The following HDAC9 variants were observed in gnomAD, a reference collection of about 807,000 sequenced individuals.
The protein encoded by HDAC9 is MEF-2 interacting transcription repressor (MITR) protein.
HDAC9 carries 41 observed loss-of-function variants against 139.4 expected under a neutral mutation model. That is an observed-to-expected ratio of 0.29 (90% CI 0.23 to 0.38). HDAC9 has a LOEUF of 0.38. Among genes scored for constraint, HDAC9 ranks in the 10% least tolerant of loss-of-function variants. The pLI, the probability that HDAC9 is intolerant of heterozygous loss-of-function variation, is 1.00. For missense variants in HDAC9, 1,147 were observed against 1,297.0 expected (o/e 0.88, Z 1.78); for synonymous variants, 517 against 476.2 (o/e 1.09, Z -1.12).
In HDAC9 at chr7:18,762,241, C is replaced by T. The variant is rs114500777; in HGVS notation, c.2128C>T (p.Leu710=). ...HHSLLYGTNP[L]DGQKLDPRIL... The stretch of plus-strand genomic sequence containing the variant: ...CTCACTGTTGTATGGCACCAACCCC[C>T]TGGACGGACAGAAGCTGGACCCCAG... Residue 710 remains leucine, a synonymous_variant, in exon 15 of 26, where the codon CTG becomes TTG. Coordinates refer to ENST00000686413, the MANE Select transcript of HDAC9 (RefSeq NM_178425.4). 2.1e-4 allele frequency: 338 copies of T among 1,613,662 alleles called. No homozygotes were observed. The African/African-American group carries it at 3.9e-3, about 19-fold the overall frequency.
chr7:18,599,366 AT>A (rs1833329436), intron 6 of HDAC9, among the ~76,000 whole-genome samples: 1 of 152,154 alleles, frequency 6.6e-6, no homozygotes, highest in African/African-American at 2.4e-5. Flanking sequence ...ATTCTATGAG[AT>A]TTAACAAATG....
intron 25 of HDAC9, among the ~76,000 whole-genome samples, chr7:18,995,385 G>A (rs188573685): frequency 1.4e-4 from 21 of 152,278 alleles, no homozygotes; most frequent in African/African-American, 5.1e-4. Context: ...CTAAATTAAG[G>A]TTAAATCTCA....
At chr7:18,867,639 A>G (rs758632268) in intron 21 of HDAC9, among the ~76,000 whole-genome samples, 6 of 152,080 alleles carry the variant, frequency 3.9e-5, no homozygotes, top group Non-Finnish European at 8.8e-5. Context: ...AGGATCTGAC[A>G]AGTGTGTATT....
chr7:18,775,445 G>T (rs1173348594), intron 16 of HDAC9, among the ~76,000 whole-genome samples: 1 of 151,994 alleles, frequency 6.6e-6, no homozygotes, highest in Non-Finnish European at 1.5e-5. Context: ...CGATCTGTAA[G>T]CACTTCTCAA....
At chr7:18,329,111 C>T (rs1309001636) in intron 1 of HDAC9, among the ~76,000 whole-genome samples, 5 of 151,748 alleles carry the variant, frequency 3.3e-5, no homozygotes, top group African/African-American at 7.3e-5. Context: ...ATAATAGTCT[C>T]TTCTGATCCT....
intron 23 of HDAC9, among the ~76,000 whole-genome samples, chr7:18,948,020 T>C (rs1782522795): frequency 6.6e-6 from 1 of 151,994 alleles, no homozygotes; most frequent in Non-Finnish European, 1.5e-5. Context: ...GCTGATAAAC[T>C]ACCCAATCAT....
chr7:18,356,374 T>TTG (rs1554388698), intron 1 of HDAC9, among the ~76,000 whole-genome samples: 2 of 144,746 alleles, frequency 1.4e-5, no homozygotes, highest in Non-Finnish European at 3.0e-5. Flanking sequence ...TTTTTTTTTT[T>TTG]TTTTTTTTTT....
chr7:18,908,285 C>G (rs573540825), intron 22 of HDAC9, among the ~76,000 whole-genome samples: 49 of 151,910 alleles, frequency 3.2e-4, no homozygotes, highest in Non-Finnish European at 5.9e-4. Context: ...TTATATGGTA[C>G]AGAGTAATAT....
chr7:18,122,141 A>G (rs115622523), intron 1 of HDAC9, among the ~76,000 whole-genome samples: 227 of 152,344 alleles, frequency 1.5e-3, no homozygotes, highest in African/African-American at 5.1e-3. Flanking sequence ...TATTTTATTT[A>G]AGGTTGGGAG....
rs1327221599 is a variant in HDAC9 at position 18,829,661 on chromosome 7, G to T, written c.2466+113G>T. On this transcript the variant is annotated intron_variant, in intron 19 of 25. Transcript: ENST00000686413. ...TAGCACTTGCAAACAACTGAAGGGT[G>T]TGTTTTCCTTTGAATGTGGAAACTC... is the stretch of plus-strand genomic sequence containing the variant. 7 of 655,682 alleles carry T rather than the reference G, an allele frequency of 1.1e-5. No individual in the cohort carries two copies. The East Asian group carries it at 1.6e-4, about 15-fold the overall frequency. The allele number at this position is 655,682 out of a possible 1,614,324, so 40.6% of individuals were successfully genotyped here.
chr7:18,936,672 AT>A (rs977775323), intron 23 of HDAC9, among the ~76,000 whole-genome samples: 1 of 152,180 alleles, frequency 6.6e-6, no homozygotes, highest in African/African-American at 2.4e-5. Flanking sequence ...TCTATTTTCT[AT>A]AGTGATTATA....
intron 2 of HDAC9, among the ~76,000 whole-genome samples, chr7:18,263,323 T>TA (rs1220797961): frequency 6.6e-6 from 1 of 152,170 alleles, no homozygotes; most frequent in East Asian, 1.9e-4. Context: ...TATACCAATT[T>TA]TCTCATAATC....
At chr7:18,772,409 C>G (rs961553676) in intron 16 of HDAC9, among the ~76,000 whole-genome samples, 4 of 152,002 alleles carry the variant, frequency 2.6e-5, no homozygotes, top group Non-Finnish European at 4.4e-5. Flanking sequence ...TCAGGAACCT[C>G]TTTCTTCATA....
intron 17 of HDAC9, among the ~76,000 whole-genome samples, chr7:18,798,840 C>A (rs6974011): frequency 0.61 from 92,414 of 151,794 alleles, 28,313 homozygotes; most frequent in South Asian, 0.66. Context: ...ATGAAAAGCC[C>A]CATCAGATTC....
chr7:18,129,032 C>T (rs944564008), intron 1 of HDAC9, among the ~76,000 whole-genome samples: 4 of 152,136 alleles, frequency 2.6e-5, no homozygotes, highest in Non-Finnish European at 5.9e-5. Context: ...AGAGAGAGAA[C>T]ATAACATAAG....
intron 12 of HDAC9, chr7:18,666,916 A>C (rs1795031044): frequency 1.0e-6 from 1 of 996,594 alleles, no homozygotes; most frequent in African/African-American, 1.7e-5. Context: ...GATTTTTTGC[A>C]ACATCTAGAA....
intron 2 of HDAC9, among the ~76,000 whole-genome samples, chr7:18,280,854 A>G (rs1483876348): frequency 6.6e-6 from 1 of 152,186 alleles, no homozygotes; most frequent in Non-Finnish European, 1.5e-5. Flanking sequence ...TTCTTCTTCC[A>G]TTTAATCATT....
intron 19 of HDAC9, among the ~76,000 whole-genome samples, chr7:18,835,025 G>A (rs957202580): frequency 6.6e-6 from 1 of 152,146 alleles, no homozygotes; most frequent in African/African-American, 2.4e-5. Flanking sequence ...GGCCAATGAG[G>A]CTAGTTAATT....
At chr7:18,981,049 C>T (rs1157188947) in intron 25 of HDAC9, among the ~76,000 whole-genome samples, 1 of 152,014 alleles carries the variant, frequency 6.6e-6, no homozygotes, top group Non-Finnish European at 1.5e-5. Flanking sequence ...TGGTCTCAAT[C>T]TCCTGACCTC....
Sources: gnomAD v4.1 joint callset for allele counts (sites outside exome capture counted in the v4.1 genomes callset) on GRCh38, gnomAD v4.1.1 for gene constraint, MANE v1.5 for transcripts, NCBI Gene and HGNC (gene_info 2026-07-23, HGNC 2026-07-21) for gene names.